Variants in ENTPD5 observed in about 807,000 individuals in gnomAD.
The protein encoded by ENTPD5 is nucleoside diphosphate phosphatase ENTPD5.
Under a neutral mutation model 60.2 loss-of-function variants are expected in ENTPD5, and 49 were observed. That is an observed-to-expected ratio of 0.81 (90% CI 0.65 to 1.03). The LOEUF (loss-of-function observed/expected upper bound fraction) is 1.03. ENTPD5 is among the 50% of genes least tolerant of loss of function. The pLI is 0.00. For synonymous variants in ENTPD5, 187 were observed against 185.4 expected (o/e 1.01, Z -0.07); for missense variants, 480 against 507.6 (o/e 0.95, Z 0.52).
At chr14:73,969,348 C>T (rs1383975737) in intron 15 of ENTPD5, among the ~76,000 whole-genome samples, 2 of 152,136 alleles carry the variant, frequency 1.3e-5, no homozygotes, top group African/African-American at 4.8e-5. Context: ...TCTGTGTTCA[C>T]CTCTCCAACT....
In ENTPD5 at chr14:73,972,881, C is replaced by T. The variant is rs1376802843; in HGVS notation, c.1027+3G>A. The T allele has an allele frequency of 6.2e-7, 1 of 1,613,852 alleles. No homozygotes were observed. ...TCTGGACTGACACCTGGGGTGAACT[C>T]ACCAATCATGTCTGTGTCAACAGCT... On this transcript the variant is annotated splice_donor_region_variant and intron_variant, in intron 13 of 15. Coordinates refer to ENST00000334696, the MANE Select transcript of ENTPD5 (RefSeq NM_001249.5).
downstream of ENTPD5, chr14:73,955,357 C>A: frequency 1.1e-6 from 1 of 921,932 alleles, no homozygotes; most frequent in Non-Finnish European, 1.8e-6. Context: ...TTGAAGAACA[C>A]TGAAAACAAC....
chr14:74,000,488 A>G (rs1178134372), intron 3 of ENTPD5, among the ~76,000 whole-genome samples: 1 of 151,928 alleles, frequency 6.6e-6, no homozygotes, highest in Admixed American at 6.6e-5. Context: ...ATAAGCATAT[A>G]TAAAAGAAAT....
chr14:73,971,854 T>C lies in ENTPD5; in HGVS notation c.1082A>G (p.Glu361Gly). The change falls in exon 14 of 16, where the codon GAA becomes GGA. Residue 361 changes from glutamate to glycine, a missense_variant and splice_region_variant. Coordinates refer to ENST00000334696, the MANE Select transcript of ENTPD5 (RefSeq NM_001249.5). ...CAAGGGCTTCCCCTGACACTTACCTTCCCTGGCTTTTCTTTCAAAATCTTC... is the reference window on the plus strand; with the variant it reads ...CAAGGGCTTCCCCTGACACTTACCTCCCCTGGCTTTTCTTTCAAAATCTTC... ...KVEDFERKAREVCDNLENFTS... is the reference protein window; with the variant it reads ...KVEDFERKARGVCDNLENFTS... 3.7e-6 allele frequency: 6 copies of C among 1,605,296 alleles called. No homozygotes were observed. Among genetic ancestry groups the C allele is most frequent in the Non-Finnish European group, 5.1e-6 (6 of 1,171,960 alleles).
downstream of ENTPD5, among the ~76,000 whole-genome samples, chr14:73,962,106 C>A (rs1487197070): frequency 2.6e-5 from 4 of 151,906 alleles, no homozygotes; most frequent in African/African-American, 7.3e-5. Flanking sequence ...CACCACCACA[C>A]CCGGCTAATT....
At chr14:73,970,824 TTTA>T (rs2057190927) in intron 14 of ENTPD5, among the ~76,000 whole-genome samples, 1 of 152,108 alleles carries the variant, frequency 6.6e-6, no homozygotes, top group African/African-American at 2.4e-5. Flanking sequence ...TTAAAAACTT[TTTA>T]TTAATTTTTT....
At chr14:74,017,017 A>G (rs1851297480) in intron 1 of ENTPD5, among the ~76,000 whole-genome samples, 1 of 152,154 alleles carries the variant, frequency 6.6e-6, no homozygotes, top group African/African-American at 2.4e-5. Flanking sequence ...CCAGAAATAC[A>G]CTCAGAAAAA....
chr14:74,017,760 C>A (rs2140899984), intron 1 of ENTPD5, among the ~76,000 whole-genome samples: 1 of 147,348 alleles, frequency 6.8e-6, no homozygotes, highest in South Asian at 2.1e-4. Flanking sequence ...GTGGCACGCA[C>A]CTATAGTCTG....
rs1457292798 is a variant in ENTPD5, at chr14:73,964,448, G to GGTAA, written c.*2476_*2479dup. The GGTAA allele has an allele frequency of 1.3e-5, 2 of 152,184 alleles. No homozygotes were observed. Among genetic ancestry groups the GGTAA allele is most frequent in the African/African-American group, 2.4e-5 (1 of 41,434 alleles). 9.4% of individuals were successfully genotyped at this position (152,184 alleles called of 1,614,324 possible). A position where few individuals can be genotyped will look rare whatever the true frequency, so the allele number is the denominator to read the frequency against. ...AGGTCTAATCAAGGTTAACAAAATA[G>GGTAA]GTAAGTTCGTGGAGTTAGAATGCAT... On this transcript the variant is annotated 3_prime_UTR_variant, in exon 16 of 16. Coordinates refer to ENST00000334696, the MANE Select transcript of ENTPD5 (RefSeq NM_001249.5).
chr14:74,002,260 T>C (rs2058534499), intron 3 of ENTPD5, among the ~76,000 whole-genome samples: 1 of 152,056 alleles, frequency 6.6e-6, no homozygotes, highest in African/African-American at 2.4e-5. Flanking sequence ...CAGTCTTAAC[T>C]AGTAGGCCAC....
At chr14:73,958,304 G>A (rs1268417744), downstream of ENTPD5, 1 of 1,613,452 alleles carries the variant, frequency 6.2e-7, no homozygotes, top group Non-Finnish European at 8.5e-7. Context: ...ATTTTGCTAG[G>A]GGTCTTGTAT....
chr14:73,958,946 T>C, downstream of ENTPD5: 5 of 1,612,984 alleles, frequency 3.1e-6, no homozygotes, highest in Non-Finnish European at 3.4e-6. Context: ...GCTGGAAGAC[T>C]TAGCAGGCTC....
chr14:73,970,414 C>T (rs1292778179), intron 14 of ENTPD5, among the ~76,000 whole-genome samples: 1 of 151,872 alleles, frequency 6.6e-6, no homozygotes, highest in Non-Finnish European at 1.5e-5. Flanking sequence ...ATCGCTTGAA[C>T]CTGGAAGGCA....
intron 3 of ENTPD5, among the ~76,000 whole-genome samples, chr14:74,004,290 C>G (rs2058602589): frequency 6.6e-6 from 1 of 151,970 alleles, no homozygotes; most frequent in Admixed American, 6.6e-5. Flanking sequence ...GTCACAGCCT[C>G]CGAAGTAGCT....
At chr14:73,971,982 A>C in intron 13 of ENTPD5, 74 bp from the exon 14 acceptor site, 2 of 882,050 alleles carry the variant, frequency 2.3e-6, no homozygotes, top group Non-Finnish European at 3.9e-6. Flanking sequence ...TCATTCATTC[A>C]TTATATACAC....
Position 73,977,375 on chromosome 14 carries a change from C to T in ENTPD5, c.442-1G>A. The T allele has an allele frequency of 6.8e-7, 1 of 1,477,702 alleles. No individual in the cohort carries two copies. Among genetic ancestry groups the T allele is most frequent in the Non-Finnish European group, 9.3e-7 (1 of 1,076,856 alleles). 91.5% of individuals were successfully genotyped at this position (1,477,702 alleles called of 1,614,324 possible). On this transcript the variant is annotated splice_acceptor_variant, in intron 6 of 15. Transcript: ENST00000334696. LOFTEE classifies it high-confidence loss of function. The stretch of plus-strand genomic sequence containing the variant: ...GTGACTTCCTGAAGATCTCCTTTAC[C>T]TAGAGAAAAAGGAAAAAAAAAAAAA...
At chr14:73,993,607 A>T (rs570364682) in intron 3 of ENTPD5, among the ~76,000 whole-genome samples, 13 of 152,318 alleles carry the variant, frequency 8.5e-5, no homozygotes, top group Non-Finnish European at 1.6e-4. Flanking sequence ...TGAGCTAGAC[A>T]TGTAGATCAA....
At chr14:73,974,903 A>T in intron 11 of ENTPD5, 21 bp downstream of exon 11, 1 of 1,605,088 alleles carries the variant, frequency 6.2e-7, no homozygotes, top group Non-Finnish European at 8.5e-7. Flanking sequence ...ATCCCCCCCC[A>T]GCACAGGTAC....
At chr14:74,001,726 T>C (rs1348637335) in intron 3 of ENTPD5, among the ~76,000 whole-genome samples, 2 of 143,270 alleles carry the variant, frequency 1.4e-5, no homozygotes, top group African/African-American at 2.6e-5. Context: ...TACACACCTG[T>C]AGTCTCAACT....
Sources: allele counts gnomAD v4.1 joint callset (sites outside exome capture counted in the v4.1 genomes callset), GRCh38; gene constraint gnomAD v4.1.1; transcripts MANE v1.5; gene names NCBI Gene and HGNC (gene_info 2026-07-23, HGNC 2026-07-21).